NUP88: variants seen among roughly 807,000 people sequenced by gnomAD.
NUP88 encodes nuclear pore complex protein Nup88.
NUP88 carries 57 observed loss-of-function variants against 93.9 expected under a neutral mutation model. The ratio of observed to expected loss-of-function variants is 0.61; its 90% confidence interval spans 0.49 to 0.76. NUP88 has a LOEUF of 0.76. NUP88 is among the 30% of genes least tolerant of loss of function. The pLI is 0.00. For synonymous variants in NUP88, 346 were observed against 336.8 expected (o/e 1.03, Z -0.30); for missense variants, 911 against 901.0 (o/e 1.01, Z -0.14).
At position 5,388,862 on chromosome 17, in the gene NUP88, G is replaced by C. The variant is rs1912225397; in HGVS notation, c.1583C>G (p.Ser528Cys). 1 of 1,614,084 alleles carries C rather than the reference G, an allele frequency of 6.2e-7. No individual in the cohort carries two copies. The highest frequency in any genetic ancestry group is 8.5e-7 in the Non-Finnish European group (1 of 1,179,986). Residue 528 changes from serine to cysteine, a missense_variant, in exon 11 of 17, where the codon TCC becomes TGC. Transcript: ENST00000573584. ...AATGCTTCTAATATGCTTTTCAAAGGAATCTGGGGTTTCAGCCAGAACACG... is the reference window on the plus strand; with the variant it reads ...AATGCTTCTAATATGCTTTTCAAAGCAATCTGGGGTTTCAGCCAGAACACG... ...PLRVLAETPD[S>C]FEKHIRSILQ...
At chr17:5,397,131 C>T (rs942384849) in intron 8 of NUP88, among the ~76,000 whole-genome samples, 8 of 151,960 alleles carry the variant, frequency 5.3e-5, no homozygotes, top group African/African-American at 1.2e-4. Context: ...TTTGAGCCCA[C>T]GAGTTTGAGA....
In NUP88 at chr17:5,386,732, C is replaced by T; in HGVS notation, c.2138G>A (p.Cys713Tyr). The stretch of plus-strand genomic sequence containing the variant: ...CTCCTCTTTCAGGATGGACTGAATG[C>T]ACTTTCGCTGGTAGGCACTGAGAAT... ...TIILSAYQRK[C>Y]IQSILKEEGE... The change falls in exon 16 of 17, where the codon TGC becomes TAC. Residue 713 changes from cysteine to tyrosine, a missense_variant. By Grantham distance (194) the Cys-to-Tyr change is radical. Transcript: ENST00000573584. 6.2e-7 allele frequency: 1 copy of T among 1,611,266 alleles called. No homozygotes were observed. The highest frequency in any genetic ancestry group is 8.5e-7 in the Non-Finnish European group (1 of 1,177,424).
chr17:5,402,340 CAA>C (rs1567571848), intron 7 of NUP88, among the ~76,000 whole-genome samples: 1 of 151,700 alleles, frequency 6.6e-6, no homozygotes, highest in African/African-American at 2.4e-5. Context: ...ATACAAAAAA[CAA>C]AACCCAAGAA....
intron 3 of NUP88, among the ~76,000 whole-genome samples, chr17:5,413,461 A>G (rs1020950439): frequency 1.1e-4 from 16 of 152,218 alleles, no homozygotes; most frequent in African/African-American, 2.4e-4. Flanking sequence ...AGTCCCCCCA[A>G]TAACTTTTTA....
intron 8 of NUP88, among the ~76,000 whole-genome samples, chr17:5,395,374 T>C (rs1912708500): frequency 6.6e-6 from 1 of 152,144 alleles, no homozygotes; most frequent in South Asian, 2.1e-4. Context: ...TAGTTGAACA[T>C]CTCTTATCTG....
intron 2 of NUP88, among the ~76,000 whole-genome samples, chr17:5,414,783 G>T (rs1012030386): frequency 7.1e-5 from 9 of 126,326 alleles, no homozygotes; most frequent in African/African-American, 2.7e-4. Flanking sequence ...GGCAAGTGTG[G>T]TGGCACATGC....
At chr17:5,418,794 AGTGT>A (rs1373275834) in intron 1 of NUP88, among the ~76,000 whole-genome samples, 1 of 152,244 alleles carries the variant, frequency 6.6e-6, no homozygotes, top group Admixed American at 6.5e-5. Context: ...GACCACGGCA[AGTGT>A]GTAATACTTT....
rs1228274721 is a variant in NUP88, at chr17:5,414,106, T to C, written c.496A>G (p.Thr166Ala). The C allele has an allele frequency of 6.2e-7, 1 of 1,613,646 alleles. No homozygotes were observed. ...TTTAGAGTCAGAGAGGTGGAACTGG[T>C]GAAAAATCTCTCCGCAACTGGAGTG... is the stretch of plus-strand genomic sequence containing the variant. ...STTPVAERFF[T>A]SSTSLTLKHA... is the part of the protein sequence containing the mutation. The change falls in exon 3 of 17, where the codon ACC (threonine) becomes GCC (alanine). Residue 166 changes from threonine to alanine, a missense_variant. By Grantham distance (58) the Thr-to-Ala change is moderately conservative. Transcript: ENST00000573584.
intron 4 of NUP88, among the ~76,000 whole-genome samples, chr17:5,409,644 A>G (rs774015955): frequency 3.3e-5 from 5 of 152,234 alleles, no homozygotes; most frequent in Non-Finnish European, 7.3e-5. Flanking sequence ...GTCTGGGAAT[A>G]TGTCAGTGAA....
rs566068786 is a variant in NUP88 at position 5,388,728 on chromosome 17, C to T, written c.1643+74G>A. ...AAAAAGTATATGAAACAGATGAGGA[C>T]AGAAAGGATGCACAGTAATTCTGAA... On this transcript the variant is annotated intron_variant, in intron 11 of 16. Transcript: ENST00000573584. The T allele has an allele frequency of 9.6e-4, 1,285 of 1,338,262 alleles. 3 individuals are homozygous for T. The highest frequency in any genetic ancestry group is 3.8e-3 in the Middle Eastern group (20 of 5,308). The allele number at this position is 1,338,262 out of a possible 1,614,324, so 82.9% of individuals were successfully genotyped here.
chr17:5,395,614 C>T lies in NUP88; in HGVS notation c.1292-633G>A, dbSNP rs78849778. On this transcript the variant is annotated intron_variant, in intron 8 of 16. Coordinates refer to ENST00000573584, the MANE Select transcript of NUP88 (RefSeq NM_002532.6). ...CCCAATCTCTGCTCAATGCAACCTCCGGCTTCTGGGTTTAAGTGATTCTCC... is the reference window on the plus strand; with the variant it reads ...CCCAATCTCTGCTCAATGCAACCTCTGGCTTCTGGGTTTAAGTGATTCTCC... Among the ~76,000 whole-genome samples the T allele has an allele frequency of 9.4e-3, 1,429 of 152,044 alleles. 31 individuals are homozygous for T. Among genetic ancestry groups the T allele is most frequent in the African/African-American group, 0.032 (1,307 of 41,482 alleles).
At chr17:5,411,186 C>T (rs1913819135) in intron 3 of NUP88, among the ~76,000 whole-genome samples, 3 of 152,274 alleles carry the variant, frequency 2.0e-5, no homozygotes, top group Middle Eastern at 3.4e-3. Flanking sequence ...AGAGAAAGAA[C>T]TGTATCTTAT....
chr17:5,410,072 G>T (rs1275644004), intron 4 of NUP88, among the ~76,000 whole-genome samples: 1 of 152,168 alleles, frequency 6.6e-6, no homozygotes, highest in Non-Finnish European at 1.5e-5. Flanking sequence ...TGGAGAGCAG[G>T]GAAGTAGAAT....
At chr17:5,394,313 G>A (rs1912633690) in intron 9 of NUP88, among the ~76,000 whole-genome samples, 1 of 152,186 alleles carries the variant, frequency 6.6e-6, no homozygotes, top group African/African-American at 2.4e-5. Flanking sequence ...GGAAACTTGA[G>A]AAAAGGGCTG....
intron 9 of NUP88, among the ~76,000 whole-genome samples, chr17:5,392,079 C>T (rs1806237): frequency 0.44 from 66,387 of 152,016 alleles, 15,266 homozygotes; most frequent in East Asian, 0.84. Flanking sequence ...TCACTTGGCA[C>T]GCACAGCGTG....
At chr17:5,397,067 C>T (rs779583145) in intron 8 of NUP88, among the ~76,000 whole-genome samples, 43 of 151,984 alleles carry the variant, frequency 2.8e-4, no homozygotes, top group Non-Finnish European at 5.7e-4. Flanking sequence ...TGGCCAGGTG[C>T]GGTGGATCAC....
intron 9 of NUP88, among the ~76,000 whole-genome samples, chr17:5,393,728 G>A (rs1229946775): frequency 6.6e-6 from 1 of 152,156 alleles, no homozygotes; most frequent in African/African-American, 2.4e-5. Flanking sequence ...AAGCCACAGT[G>A]CCTGGTTTCA....
intron 10 of NUP88, 144 bp from the exon 11 acceptor site, chr17:5,389,104 C>T: frequency 1.6e-6 from 1 of 606,790 alleles, no homozygotes; most frequent in African/African-American, 1.9e-5. Flanking sequence ...TGTTTTCCAC[C>T]TTGAAAAGGT....
intron 5 of NUP88, 21 bp downstream of exon 5, chr17:5,408,712 T>C (rs1379201010): frequency 6.4e-7 from 1 of 1,559,598 alleles, no homozygotes; most frequent in Non-Finnish European, 8.7e-7. Context: ...TCATTTCAGG[T>C]GGGTGACCAC....
Sources: gnomAD v4.1 joint callset for allele counts (sites outside exome capture counted in the v4.1 genomes callset) on GRCh38, gnomAD v4.1.1 for gene constraint, MANE v1.5 for transcripts, NCBI Gene and HGNC (gene_info 2026-07-23, HGNC 2026-07-21) for gene names.